Variants in POU2AF2 observed in about 807,000 individuals in gnomAD.
POU2AF2 encodes the protein POU domain class 2-associating factor 2.
chr11:111,252,383 G>A, the POU2AF2 span, among the ~76,000 whole-genome samples: 5 of 152,108 alleles, frequency 3.3e-5, no homozygotes, highest in South Asian at 2.1e-4. Flanking sequence ...TAGGGTCGGC[G>A]AATTTGCATT....
At chr11:111,261,991 G>A in the POU2AF2 span, among the ~76,000 whole-genome samples, 1 of 152,172 alleles carries the variant, frequency 6.6e-6, no homozygotes, top group East Asian at 1.9e-4. Flanking sequence ...TTTCCACACA[G>A]CGTGATTCTT....
chr11:111,255,112 C>T, the POU2AF2 span, among the ~76,000 whole-genome samples: 1 of 152,124 alleles, frequency 6.6e-6, no homozygotes, highest in South Asian at 2.1e-4. Flanking sequence ...CTTGGGGAAA[C>T]GTTTTACTCT....
the POU2AF2 span, among the ~76,000 whole-genome samples, chr11:111,274,259 G>T: frequency 6.6e-6 from 1 of 152,192 alleles, no homozygotes; most frequent in East Asian, 1.9e-4. Flanking sequence ...TAGGGTCTGT[G>T]ATACCAACTG....
the POU2AF2 span, among the ~76,000 whole-genome samples, chr11:111,268,490 TTATTTTATTTTATTTTA>T: frequency 4.4e-3 from 206 of 46,442 alleles, no homozygotes; most frequent in South Asian, 0.031. Flanking sequence ...TTATTTTATT[TTATTTTATTTTATTTTA>T]TTTTATTTTA....
At chr11:111,271,530 T>C in the POU2AF2 span, among the ~76,000 whole-genome samples, 1 of 152,146 alleles carries the variant, frequency 6.6e-6, no homozygotes, top group Non-Finnish European at 1.5e-5. Context: ...CGGGAGATCT[T>C]CCTGCCTCAG....
chr11:111,280,504 T>C, the POU2AF2 span, among the ~76,000 whole-genome samples: 1 of 152,176 alleles, frequency 6.6e-6, no homozygotes, highest in African/African-American at 2.4e-5. Flanking sequence ...TGTGATGAAA[T>C]TTCATTCAGT....
the POU2AF2 span, among the ~76,000 whole-genome samples, chr11:111,249,048 C>CA: frequency 3.3e-5 from 5 of 152,062 alleles, no homozygotes; most frequent in East Asian, 3.9e-4. Flanking sequence ...TCCTACAGTG[C>CA]AAAAAAACAT....
At chr11:111,245,891 A>T in the POU2AF2 span, 5,574 of 398,858 alleles carry the variant, frequency 0.014, 258 homozygotes, top group African/African-American at 0.1. Flanking sequence ...ATTATAATTT[A>T]AAAAAACTTT....
At chr11:111,257,695 C>T in the POU2AF2 span, among the ~76,000 whole-genome samples, 1 of 152,146 alleles carries the variant, frequency 6.6e-6, no homozygotes, top group Non-Finnish European at 1.5e-5. Flanking sequence ...TTTTAAACCA[C>T]CACCTCTCTT....
chr11:111,276,837 A>G, the POU2AF2 span, among the ~76,000 whole-genome samples: 1 of 152,188 alleles, frequency 6.6e-6, no homozygotes, highest in South Asian at 2.1e-4. Flanking sequence ...ATATTTTCAG[A>G]TAAATAGAAA....
the POU2AF2 span, among the ~76,000 whole-genome samples, chr11:111,273,746 C>G: frequency 1.3e-5 from 2 of 152,118 alleles, no homozygotes; most frequent in Non-Finnish European, 2.9e-5. Context: ...AGGGAAACTC[C>G]TAATCTTATC....
the POU2AF2 span, among the ~76,000 whole-genome samples, chr11:111,265,544 A>G: frequency 1.3e-5 from 2 of 152,150 alleles, no homozygotes; most frequent in African/African-American, 4.8e-5. Flanking sequence ...GGTGATAGCT[A>G]CCATGGAAGG....
chr11:111,284,388 A>G, the POU2AF2 span: 1 of 1,585,112 alleles, frequency 6.3e-7, no homozygotes, highest in Non-Finnish European at 8.6e-7. Flanking sequence ...GTGAGTATGC[A>G]GAGACCTCGT....
At chr11:111,277,043 T>C in the POU2AF2 span, among the ~76,000 whole-genome samples, 1 of 152,216 alleles carries the variant, frequency 6.6e-6, no homozygotes, top group African/African-American at 2.4e-5. Flanking sequence ...ATGTCTAATT[T>C]GTGACAGCTT....
chr11:111,249,742 C>G, the POU2AF2 span, among the ~76,000 whole-genome samples: 91 of 152,212 alleles, frequency 6.0e-4, no homozygotes, highest in African/African-American at 2.1e-3. Flanking sequence ...CTGATTGTTC[C>G]TTTTTCTCTC....
the POU2AF2 span, among the ~76,000 whole-genome samples, chr11:111,271,492 G>A: frequency 2.7e-4 from 41 of 151,952 alleles, no homozygotes; most frequent in African/African-American, 9.4e-4. Flanking sequence ...CATGAATTTG[G>A]CTCACTGCAG....
At chr11:111,285,491 T>G in the POU2AF2 span, among the ~76,000 whole-genome samples, 1 of 152,210 alleles carries the variant, frequency 6.6e-6, no homozygotes, top group Non-Finnish European at 1.5e-5. Context: ...AAACTTTCAC[T>G]GCTGGTGTCA....
chr11:111,262,261 A>T, the POU2AF2 span, among the ~76,000 whole-genome samples: 1 of 152,226 alleles, frequency 6.6e-6, no homozygotes, highest in Admixed American at 6.5e-5. Flanking sequence ...GGGGGAACAG[A>T]AGGTGAATAG....
the POU2AF2 span, among the ~76,000 whole-genome samples, chr11:111,258,168 T>C: frequency 6.6e-6 from 1 of 152,146 alleles, no homozygotes; most frequent in East Asian, 1.9e-4. Context: ...ATCTAGTCTC[T>C]TGAGAGAGAG....
Sources: gnomAD v4.1 joint callset for allele counts (sites outside exome capture counted in the v4.1 genomes callset) on GRCh38, gnomAD v4.1.1 for gene constraint, MANE v1.5 for transcripts, NCBI Gene and HGNC (gene_info 2026-07-23, HGNC 2026-07-21) for gene names.